DDX31: variants seen among roughly 807,000 people sequenced by gnomAD.
DDX31 encodes DEAD-box helicase 31.
Under a neutral mutation model 91.3 loss-of-function variants are expected in DDX31, and 70 were observed. The ratio of observed to expected loss-of-function variants is 0.77; its 90% CI spans 0.63 to 0.94. The LOEUF is 0.94. DDX31 is among the 40% of genes least tolerant of loss of function. The pLI, the probability that DDX31 is intolerant of heterozygous loss-of-function variation, is 0.00. For synonymous variants in DDX31, 362 were observed against 350.6 expected, an observed-to-expected ratio of 1.03 and a Z score of -0.36; for missense variants, 902 against 925.0, an observed-to-expected ratio of 0.98 and a Z score of 0.32.
At chr9:132,631,548 G>GA (rs994897855) in intron 15 of DDX31, among the ~76,000 whole-genome samples, 2 of 151,916 alleles carry the variant, frequency 1.3e-5, no homozygotes, top group Non-Finnish European at 2.9e-5. Flanking sequence ...CTAATGAAAA[G>GA]AAAAAACAAA....
chr9:132,603,122 A>G (rs1195524420), intron 19 of DDX31, among the ~76,000 whole-genome samples: 1 of 152,204 alleles, frequency 6.6e-6, no homozygotes, highest in Non-Finnish European at 1.5e-5. Flanking sequence ...GACTCAGCTC[A>G]GCAGAGAACA....
intron 18 of DDX31, among the ~76,000 whole-genome samples, chr9:132,615,347 C>T (rs1323595134): frequency 1.3e-5 from 2 of 151,784 alleles, no homozygotes; most frequent in African/African-American, 2.4e-5. Context: ...CTGCTCCTCC[C>T]AACCCCACCT....
intron 14 of DDX31, among the ~76,000 whole-genome samples, chr9:132,637,533 G>T (rs867758789): frequency 1.3e-5 from 2 of 152,166 alleles, no homozygotes; most frequent in Non-Finnish European, 2.9e-5. Flanking sequence ...GGGAGAGGGG[G>T]CCTGCCGTCT....
intron 18 of DDX31, among the ~76,000 whole-genome samples, chr9:132,614,709 T>A (rs1831534812): frequency 6.6e-6 from 1 of 152,178 alleles, no homozygotes; most frequent in Non-Finnish European, 1.5e-5. Context: ...ACTGAGAGCA[T>A]CTGTCCCAGG....
At chr9:132,601,765 C>T (rs2119205058) in intron 19 of DDX31, among the ~76,000 whole-genome samples, 1 of 152,340 alleles carries the variant, frequency 6.6e-6, no homozygotes, top group South Asian at 2.1e-4. Context: ...GAGACAGGCA[C>T]ACCAGAAACA....
intron 19 of DDX31, among the ~76,000 whole-genome samples, chr9:132,600,560 G>A (rs149861349): frequency 6.6e-6 from 1 of 152,134 alleles, no homozygotes; most frequent in African/African-American, 2.4e-5. Context: ...CGGATGGCCC[G>A]GCACACTTGC....
At position 132,658,658 on chromosome 9, in the gene DDX31, A is replaced by G. The variant is rs1564336152; in HGVS notation, c.588+13T>C. 6.2e-7 allele frequency: 1 copy of G among 1,612,474 alleles called. No individual in the cohort carries two copies. The highest frequency in any genetic ancestry group is 8.5e-7 in the Non-Finnish European group (1 of 1,179,104). On this transcript the variant is annotated intron_variant, in intron 6 of 19. Transcript: ENST00000372159. The stretch of plus-strand genomic sequence containing the variant: ...ACTATGAGCAATGACAGAAAAACAC[A>G]TTTGATACACACCTGTATTTTTGAC...
intron 16 of DDX31, among the ~76,000 whole-genome samples, chr9:132,627,604 A>G (rs1447002417): frequency 1.3e-5 from 2 of 152,242 alleles, no homozygotes. Context: ...TTAGAAACAC[A>G]TTTAAAGGGG....
At chr9:132,644,742 G>C (rs1049797303) in intron 13 of DDX31, among the ~76,000 whole-genome samples, 1 of 152,062 alleles carries the variant, frequency 6.6e-6, no homozygotes, top group Non-Finnish European at 1.5e-5. Flanking sequence ...AACAAAGCTT[G>C]AAACAAAAAC....
chr9:132,669,722 C>G (rs557942053), intron 1 of DDX31, 138 bp downstream of exon 1: 8 of 1,531,932 alleles, frequency 5.2e-6, no homozygotes, highest in African/African-American at 2.7e-5. Context: ...GCAACTTGTC[C>G]CGAAGCTGCC....
chr9:132,630,541 GA>G (rs1239597367), intron 15 of DDX31, 138 bp from the exon 16 acceptor site: 1 of 854,298 alleles, frequency 1.2e-6, no homozygotes, highest in African/African-American at 1.7e-5. Flanking sequence ...CAATCACAAG[GA>G]GAAGTCACCC....
chr9:132,618,641 G>C (rs190966323), intron 17 of DDX31, among the ~76,000 whole-genome samples, 200 bp from the exon 18 acceptor site: 1 of 152,270 alleles, frequency 6.6e-6, no homozygotes, highest in East Asian at 1.9e-4. Flanking sequence ...CTTTATGAGA[G>C]AGAACATCAG....
At chr9:132,620,524 T>C (rs549068480) in intron 17 of DDX31, among the ~76,000 whole-genome samples, 1 of 149,822 alleles carries the variant, frequency 6.7e-6, no homozygotes, top group Admixed American at 6.6e-5. Flanking sequence ...TTTGAAATGA[T>C]AAGGTCAGTT....
At chr9:132,660,057 C>T (rs1263325117) in intron 4 of DDX31, among the ~76,000 whole-genome samples, 6 of 152,070 alleles carry the variant, frequency 3.9e-5, no homozygotes, top group African/African-American at 1.4e-4. Flanking sequence ...GACAGGCAGC[C>T]GACTGCAGTG....
At chr9:132,668,592 G>C (rs1835474439) in intron 1 of DDX31, among the ~76,000 whole-genome samples, 1 of 147,986 alleles carries the variant, frequency 6.8e-6, no homozygotes, top group African/African-American at 2.5e-5. Context: ...TTTTGAGACG[G>C]AGTCTCGTTC....
At chr9:132,652,705 G>A (rs765070566) in intron 6 of DDX31, among the ~76,000 whole-genome samples, 1 of 152,126 alleles carries the variant, frequency 6.6e-6, no homozygotes, top group Non-Finnish European at 1.5e-5. Flanking sequence ...TGTTGTAGGA[G>A]GAAGGGCAGG....
chr9:132,646,999 T>G lies in DDX31; in HGVS notation c.1027A>C (p.Lys343Gln), dbSNP rs1316566279. ...TTTGGGTTCAACTGGTCATGGCTCT[T>G]GTCCAGGACAGAAATACTGACTGGA... The part of the protein sequence containing the change: ...HDPVSISVLD[K>Q]SHDQLNPKDK... Residue 343 changes from lysine (K) to glutamine (Q), a missense_variant, in exon 12 of 20, where the codon AAG becomes CAG. Transcript: ENST00000372159. The G allele has an allele frequency of 6.2e-7, 1 of 1,614,222 alleles. No homozygotes were observed. Among genetic ancestry groups the G allele is most frequent in the East Asian group, 2.2e-5 (1 of 44,886 alleles).
At chr9:132,636,961 T>G (rs886371866) in intron 14 of DDX31, among the ~76,000 whole-genome samples, 1 of 152,178 alleles carries the variant, frequency 6.6e-6, no homozygotes, top group Non-Finnish European at 1.5e-5. Context: ...GTCATGAGGT[T>G]GTTGCTAAGA....
intron 3 of DDX31, among the ~76,000 whole-genome samples, chr9:132,661,855 G>A (rs1252521992): frequency 2.0e-5 from 3 of 152,056 alleles, no homozygotes; most frequent in Admixed American, 1.3e-4. Context: ...ACAGCAAGAT[G>A]CCAGCACAGT....
Sources: allele counts gnomAD v4.1 joint callset (sites outside exome capture counted in the v4.1 genomes callset), GRCh38; gene constraint gnomAD v4.1.1; transcripts MANE v1.5; gene names NCBI Gene and HGNC (gene_info 2026-07-23, HGNC 2026-07-21).